GPBP1: variants seen among roughly 807,000 people sequenced by gnomAD.
The protein encoded by GPBP1 is vasculin.
Under a neutral mutation model 56.5 loss-of-function variants are expected in GPBP1, and 13 were observed. The ratio of observed to expected loss-of-function variants is 0.23; its 90% confidence interval spans 0.15 to 0.37. The LOEUF (loss-of-function observed/expected upper bound fraction) is 0.37, where lower values mean the gene tolerates loss of function less well. GPBP1 is among the 10% of genes least tolerant of loss of function. GPBP1 has a pLI of 1.00. For synonymous variants in GPBP1, 204 were observed against 188.9 expected (o/e 1.08, Z -0.66); for missense variants, 477 against 572.3 (o/e 0.83, Z 1.70).
chr5:57,190,374 C>T (rs1468043289), intron 2 of GPBP1, among the ~76,000 whole-genome samples: 1 of 151,972 alleles, frequency 6.6e-6, no homozygotes, highest in Non-Finnish European at 1.5e-5. Flanking sequence ...CACCTGAGGT[C>T]AGGAGTTCAA....
chr5:57,186,479 C>T (rs972199045), intron 2 of GPBP1, among the ~76,000 whole-genome samples: 1 of 151,918 alleles, frequency 6.6e-6, no homozygotes, highest in Non-Finnish European at 1.5e-5. Context: ...GAGTTTTCTC[C>T]TGTCTTGTAG....
intron 5 of GPBP1, among the ~76,000 whole-genome samples, chr5:57,232,739 T>C (rs1244495636): frequency 1.3e-5 from 2 of 152,226 alleles, no homozygotes; most frequent in Non-Finnish European, 2.9e-5. Context: ...CTTTGTTCGG[T>C]GTACTCTCAT....
In GPBP1 at chr5:57,254,949, A is replaced by G. The variant is rs989980405; in HGVS notation, c.1160+3808A>G. Among the ~76,000 whole-genome samples, 39 of 152,236 alleles carry G rather than the reference A, an allele frequency of 2.6e-4. 1 individual carries two copies. Among genetic ancestry groups the G allele is most frequent in the Non-Finnish European group, 8.8e-5 (6 of 68,034 alleles). On this transcript the variant is annotated intron_variant, in intron 10 of 11. Coordinates refer to ENST00000506184, the MANE Select transcript of GPBP1 (RefSeq NM_022913.4). ...TTCATGCTACCACATAATACAGTTT[A>G]TGACTTGTGACTAACAGGCTTGAGT...
At chr5:57,216,274 G>C (rs1755694825) in intron 3 of GPBP1, among the ~76,000 whole-genome samples, 1 of 152,176 alleles carries the variant, frequency 6.6e-6, no homozygotes, top group South Asian at 2.1e-4. Flanking sequence ...TACCCCCCTT[G>C]TTTAGAAGAT....
intron 3 of GPBP1, among the ~76,000 whole-genome samples, chr5:57,217,275 A>G (rs868639701): frequency 1.6e-4 from 24 of 152,148 alleles, no homozygotes; most frequent in African/African-American, 5.5e-4. Context: ...TAGTGTGTAA[A>G]CATAAAACAA....
At chr5:57,236,755 AAAAT>A (rs1756679102) in intron 6 of GPBP1, among the ~76,000 whole-genome samples, 1 of 152,186 alleles carries the variant, frequency 6.6e-6, no homozygotes, top group Non-Finnish European at 1.5e-5. Flanking sequence ...TGACATCTGA[AAAAT>A]AAAATTAATC....
At chr5:57,235,241 AG>A (rs1239164344) in intron 5 of GPBP1, among the ~76,000 whole-genome samples, 1 of 151,862 alleles carries the variant, frequency 6.6e-6, no homozygotes, top group Non-Finnish European at 1.5e-5. Context: ...CTGGAGGCGG[AG>A]GTTCCAGTGA....
At chr5:57,248,765 G>C (rs780947091) in intron 8 of GPBP1, 1 of 152,146 alleles carries the variant, frequency 6.6e-6, no homozygotes, top group Non-Finnish European at 1.5e-5. Context: ...TGAGCTTTGA[G>C]GGAAGGACTA....
At chr5:57,220,242 G>C (rs1351041214) in intron 3 of GPBP1, among the ~76,000 whole-genome samples, 10 of 151,744 alleles carry the variant, frequency 6.6e-5, no homozygotes, top group Non-Finnish European at 1.3e-4. Flanking sequence ...CTTCTGCCTT[G>C]GCCTCCCAAA....
At chr5:57,183,464 C>T (rs997384627) in intron 2 of GPBP1, among the ~76,000 whole-genome samples, 1 of 152,090 alleles carries the variant, frequency 6.6e-6, no homozygotes, top group Non-Finnish European at 1.5e-5. Context: ...TTGTGGCTCA[C>T]GCCTGTAATC....
At chr5:57,230,631 C>A in intron 3 of GPBP1, 1 of 533,568 alleles carries the variant, frequency 1.9e-6, no homozygotes. Flanking sequence ...ATGTCGAACT[C>A]TAAGCACATG....
At chr5:57,257,202 T>G (rs1013944839) in intron 10 of GPBP1, among the ~76,000 whole-genome samples, 4 of 152,028 alleles carry the variant, frequency 2.6e-5, no homozygotes, top group African/African-American at 9.7e-5. Context: ...ACCTGGCTAA[T>G]TTTTTGTATT....
At chr5:57,254,683 A>G (rs1394568156) in intron 10 of GPBP1, among the ~76,000 whole-genome samples, 1 of 149,648 alleles carries the variant, frequency 6.7e-6, no homozygotes, top group Non-Finnish European at 1.5e-5. Context: ...TGACAGAGTG[A>G]GACTGTCTCA....
chr5:57,250,979 A>G lies in GPBP1; in HGVS notation c.998A>G (p.Asn333Ser). ...GATGACGACTCATTTAATTTACATAACAGCAATAGTACTCACCAAGAAAGG... is the reference window on the plus strand; with the variant it reads ...GATGACGACTCATTTAATTTACATAGCAGCAATAGTACTCACCAAGAAAGG... ...EKDDDSFNLHNSNSTHQERDI... is the reference protein window; with the variant it reads ...EKDDDSFNLHSSNSTHQERDI... Residue 333 changes from asparagine (N) to serine (S), a missense_variant, in exon 10 of 12, where the codon AAC becomes AGC. This residue lies in a region of GPBP1 where 414 missense variants were observed against 458.2 expected (regional missense o/e 0.90). Coordinates refer to ENST00000506184, the MANE Select transcript of GPBP1 (RefSeq NM_022913.4). The G allele has an allele frequency of 1.3e-6, 2 of 1,594,788 alleles. No individual in the cohort carries two copies. Among genetic ancestry groups the G allele is most frequent in the Non-Finnish European group, 1.7e-6 (2 of 1,172,766 alleles).
At position 57,198,055 on chromosome 5, in the gene GPBP1, T is replaced by C. The variant is rs536374493; in HGVS notation, c.-57-16019T>C. 2.0e-3 allele frequency among the ~76,000 whole-genome samples: 302 copies of C among 152,274 alleles called. 1 individual carries two copies. Among genetic ancestry groups the C allele is most frequent in the Middle Eastern group, 3.4e-3 (1 of 294 alleles). ...CCTTTCCTTTTTGTTTCGGTGTCGT[T>C]GTTATGTTTATGTGTTTGCTTATAT... On this transcript the variant is annotated intron_variant, in intron 2 of 11. Coordinates refer to ENST00000506184, the MANE Select transcript of GPBP1 (RefSeq NM_022913.4).
intron 6 of GPBP1, among the ~76,000 whole-genome samples, chr5:57,241,067 A>G (rs906950752): frequency 1.3e-5 from 2 of 152,210 alleles, no homozygotes; most frequent in Non-Finnish European, 2.9e-5. Context: ...TTCAAATCCA[A>G]TAAATGAAGG....
chr5:57,254,300 ATTAC>A (rs770810616), intron 10 of GPBP1, among the ~76,000 whole-genome samples: 23 of 152,006 alleles, frequency 1.5e-4, no homozygotes, highest in Non-Finnish European at 2.9e-4. Context: ...ATCATATATT[ATTAC>A]TTTATCTTCG....
intron 2 of GPBP1, among the ~76,000 whole-genome samples, chr5:57,213,243 G>A (rs551950688): frequency 2.0e-5 from 3 of 152,064 alleles, no homozygotes; most frequent in Admixed American, 2.0e-4. Flanking sequence ...TAGAGATGGG[G>A]TTTCACCATG....
At chr5:57,185,421 C>T (rs946056009) in intron 2 of GPBP1, among the ~76,000 whole-genome samples, 5 of 151,892 alleles carry the variant, frequency 3.3e-5, no homozygotes, top group South Asian at 4.1e-4. Context: ...CCACAATGCC[C>T]GGCTAATTTT....
Sources: gnomAD v4.1 joint callset for allele counts (sites outside exome capture counted in the v4.1 genomes callset) on GRCh38, gnomAD v4.1.1 for gene constraint, gnomAD v4.1.1 regional missense constraint, MANE v1.5 for transcripts, NCBI Gene and HGNC (gene_info 2026-07-23, HGNC 2026-07-21) for gene names.